TPP2: variants seen among roughly 807,000 people sequenced by gnomAD.
The protein encoded by TPP2 is tripeptidyl-peptidase 2.
TPP2 carries 34 observed loss-of-function variants against 155.9 expected under a neutral mutation model. That is an observed-to-expected ratio of 0.22 (90% confidence interval 0.17 to 0.29). The LOEUF is 0.29. TPP2 is among the 10% of genes least tolerant of loss of function. TPP2 has a pLI of 1.00. For missense variants in TPP2, 1,028 were observed against 1,522.3 expected (o/e 0.68, Z 5.40); for synonymous variants, 510 against 529.4 (o/e 0.96, Z 0.50).
chr13:102,600,325 T>A (rs919151749), intron 1 of TPP2, among the ~76,000 whole-genome samples: 4 of 152,174 alleles, frequency 2.6e-5, no homozygotes, highest in African/African-American at 9.7e-5. Context: ...TGCTTCATCC[T>A]TTAAGATCCA....
At chr13:102,660,055 C>T (rs1884105208) in intron 25 of TPP2, among the ~76,000 whole-genome samples, 1 of 151,528 alleles carries the variant, frequency 6.6e-6, no homozygotes, top group South Asian at 2.1e-4. Context: ...AATACTACTA[C>T]AGAAGGAAGG....
Position 102,638,264 on chromosome 13 carries a change from C to T in TPP2, c.1862C>T (p.Pro621Leu). Residue 621 changes from proline to leucine, a missense_variant, in exon 15 of 30, where the codon CCT (proline) becomes CTT (leucine). Pro to Leu is a moderately conservative substitution (Grantham distance 98). Transcript: ENST00000376052. ...TEVCGYDIAS[P>L]NAGPLFRVPI... ...GTATGTGGCTATGATATAGCATCCCCTAACGCAGGTCCGCTCTTCAGAGTT... is the reference window on the plus strand; with the variant it reads ...GTATGTGGCTATGATATAGCATCCCTTAACGCAGGTCCGCTCTTCAGAGTT... The T allele has an allele frequency of 6.2e-7, 1 of 1,612,848 alleles. No individual in the cohort carries two copies.
At chr13:102,606,904 C>T (rs1299350474) in intron 2 of TPP2, among the ~76,000 whole-genome samples, 2 of 152,142 alleles carry the variant, frequency 1.3e-5, no homozygotes, top group Admixed American at 6.5e-5. Context: ...GAAGCCCTAT[C>T]CCTCTTTGTG....
intron 27 of TPP2, among the ~76,000 whole-genome samples, chr13:102,670,410 T>A (rs1884895365): frequency 6.6e-6 from 1 of 152,218 alleles, no homozygotes. Flanking sequence ...CCTAAATAGA[T>A]GGTTTTACTA....
chr13:102,663,130 AT>A (rs112161004), intron 25 of TPP2, among the ~76,000 whole-genome samples: 38 of 76,478 alleles, frequency 5.0e-4, no homozygotes, highest in South Asian at 3.1e-3. Flanking sequence ...TTATTTATTT[AT>A]TTTTTTTAAT....
At chr13:102,636,009 A>G (rs993588636) in intron 12 of TPP2, among the ~76,000 whole-genome samples, 3 of 152,202 alleles carry the variant, frequency 2.0e-5, no homozygotes, top group African/African-American at 7.2e-5. Context: ...TCACTTGAGA[A>G]TAACAGTGTG....
At chr13:102,603,388 T>C (rs1305141603) in intron 1 of TPP2, among the ~76,000 whole-genome samples, 1 of 152,038 alleles carries the variant, frequency 6.6e-6, no homozygotes, top group Admixed American at 6.5e-5. Flanking sequence ...TGAGAAAAAA[T>C]AATCCAGTTT....
intron 17 of TPP2, 31 bp from the exon 18 acceptor site, chr13:102,644,526 A>G: frequency 1.8e-5 from 27 of 1,497,646 alleles, no homozygotes; most frequent in Non-Finnish European, 2.5e-5. Flanking sequence ...AAATAAGAAA[A>G]GAGATATATT....
At chr13:102,645,059 G>A (rs774400559) in intron 19 of TPP2, 50 bp downstream of exon 19, 2 of 1,548,762 alleles carry the variant, frequency 1.3e-6, no homozygotes, top group East Asian at 4.5e-5. Context: ...AGATTGGGGG[G>A]ATCTCTTACA....
chr13:102,657,755 G>T (rs963231760), intron 25 of TPP2, among the ~76,000 whole-genome samples: 5 of 152,070 alleles, frequency 3.3e-5, no homozygotes, highest in Admixed American at 2.0e-4. Context: ...ACATAAAGGT[G>T]ATTTTTTAAA....
At chr13:102,611,783 G>C (rs1211126556) in intron 2 of TPP2, among the ~76,000 whole-genome samples, 1 of 152,182 alleles carries the variant, frequency 6.6e-6, no homozygotes, top group African/African-American at 2.4e-5. Flanking sequence ...GTTTGTTCTA[G>C]AATTCACCTG....
chr13:102,604,175 G>A (rs1879640064), intron 1 of TPP2, among the ~76,000 whole-genome samples: 1 of 151,768 alleles, frequency 6.6e-6, no homozygotes, highest in South Asian at 2.1e-4. Context: ...TCCAATAATG[G>A]TGCCATTAAA....
At chr13:102,635,945 C>T (rs1447465710) in intron 12 of TPP2, among the ~76,000 whole-genome samples, 3 of 152,028 alleles carry the variant, frequency 2.0e-5, no homozygotes, top group South Asian at 2.1e-4. Flanking sequence ...TCAAAGAAAT[C>T]GAGGTCAAAA....
At chr13:102,658,713 G>T (rs931761325) in intron 25 of TPP2, among the ~76,000 whole-genome samples, 2 of 152,120 alleles carry the variant, frequency 1.3e-5, no homozygotes, top group African/African-American at 4.8e-5. Context: ...CCCAGTTAAT[G>T]AGCCAGAAAT....
chr13:102,661,792 T>C (rs184736839), intron 25 of TPP2, among the ~76,000 whole-genome samples: 3 of 152,270 alleles, frequency 2.0e-5, no homozygotes, highest in Admixed American at 6.5e-5. Flanking sequence ...GGCAAGTATG[T>C]GGACAAAGCA....
At chr13:102,638,090 T>C (rs1714969348) in intron 14 of TPP2, 149 bp from the exon 15 acceptor site, 1 of 659,724 alleles carries the variant, frequency 1.5e-6, no homozygotes. Context: ...CTATTAATTA[T>C]GTGACCTAGT....
chr13:102,679,468 G>A lies in TPP2; in HGVS notation c.*1152G>A, dbSNP rs570645379. On this transcript the variant is annotated 3_prime_UTR_variant, in exon 30 of 30. Transcript: ENST00000376052. ...TCCCTTATCTAATGGCAAATTGTGT[G>A]TATGTATGATTTTTTTATCTTGTTC... 53 of 152,298 alleles carry A rather than the reference G, an allele frequency of 3.5e-4. 1 individual carries two copies. Among genetic ancestry groups the A allele is most frequent in the African/African-American group, 1.3e-3 (53 of 41,572 alleles). 9.4% of individuals were successfully genotyped at this position (152,298 alleles called of 1,614,324 possible). A position where few individuals can be genotyped will look rare whatever the true frequency, so the allele number is the denominator to read the frequency against.
chr13:102,636,290 A>G lies in TPP2; in HGVS notation c.1576A>G (p.Thr526Ala). 6.2e-7 allele frequency: 1 copy of G among 1,613,850 alleles called. No individual in the cohort carries two copies. Among genetic ancestry groups the G allele is most frequent in the Non-Finnish European group, 8.5e-7 (1 of 1,179,902 alleles). The change falls in exon 13 of 30, where the codon ACT becomes GCT. Residue 526 changes from threonine to alanine, a missense_variant. Transcript: ENST00000376052. ...SFANKLGFTV[T>A]VGNNRGIYLR... ...TGCTAATAAATTAGGTTTTACTGTT[A>G]CTGTTGGAAATAACCGTGGCATCTA...
At chr13:102,640,172 TTCCA>T in intron 15 of TPP2, 94 bp from the exon 16 acceptor site, 1 of 934,312 alleles carries the variant, frequency 1.1e-6, no homozygotes, top group African/African-American at 1.8e-5. Context: ...CTGTGTTTAT[TTCCA>T]ATGAATTGTT....
Sources: allele counts gnomAD v4.1 joint callset (sites outside exome capture counted in the v4.1 genomes callset), GRCh38; gene constraint gnomAD v4.1.1; transcripts MANE v1.5; gene names NCBI Gene and HGNC (gene_info 2026-07-23, HGNC 2026-07-21).